IREB2: variants seen among roughly 807,000 people sequenced by gnomAD.
IREB2 encodes iron-responsive element-binding protein 2.
In IREB2, 39 loss-of-function variants were observed where a neutral mutation model predicts 118.8. The observed-to-expected ratio is 0.33, with a 90% CI of 0.25 to 0.43. The LOEUF is 0.43. IREB2 is among the 20% of genes least tolerant of loss of function. The pLI, the probability that IREB2 is intolerant of heterozygous loss-of-function variation, is 1.00. For synonymous variants in IREB2, 372 were observed against 392.2 expected, an observed-to-expected ratio of 0.95 and a Z score of 0.61; for missense variants, 900 against 1,147.3, an observed-to-expected ratio of 0.78 and a Z score of 3.11.
intron 2 of IREB2, among the ~76,000 whole-genome samples, chr15:78,458,970 T>C (rs1265861040): frequency 6.6e-6 from 1 of 151,988 alleles, no homozygotes; most frequent in Non-Finnish European, 1.5e-5. Context: ...GGCTAGTTTT[T>C]TGTATTTTTA....
chr15:78,447,633 A>AT (rs914947651), intron 2 of IREB2, among the ~76,000 whole-genome samples: 22 of 148,668 alleles, frequency 1.5e-4, no homozygotes, highest in Admixed American at 3.4e-4. Flanking sequence ...TCCCGCTCTG[A>AT]TTTTTTTTTT....
At chr15:78,468,656 C>G (rs951345202) in intron 5 of IREB2, among the ~76,000 whole-genome samples, 1 of 151,868 alleles carries the variant, frequency 6.6e-6, no homozygotes, top group Non-Finnish European at 1.5e-5. Context: ...TCCTAAGTAC[C>G]AAATAATACG....
chr15:78,487,557 G>A (rs1417640847), intron 13 of IREB2, among the ~76,000 whole-genome samples, 176 bp from the exon 14 acceptor site: 2 of 152,190 alleles, frequency 1.3e-5, no homozygotes, highest in African/African-American at 4.8e-5. Context: ...ATGCCTGAGA[G>A]TTAGACTTGA....
At chr15:78,463,541 AAACTT>A (rs1344109327) in intron 3 of IREB2, among the ~76,000 whole-genome samples, 1 of 151,846 alleles carries the variant, frequency 6.6e-6, no homozygotes, top group African/African-American at 2.4e-5. Flanking sequence ...GTTAGTTTAT[AAACTT>A]AAAAATTTTG....
chr15:78,487,680 TTCTC>T, intron 13 of IREB2, 49 bp from the exon 14 acceptor site: 1 of 959,006 alleles, frequency 1.0e-6, no homozygotes, highest in Non-Finnish European at 1.7e-6. Context: ...GACTTGTCCT[TTCTC>T]TATAAATGTT....
At chr15:78,440,148 CT>C (rs747459637) in intron 2 of IREB2, among the ~76,000 whole-genome samples, 9 of 149,866 alleles carry the variant, frequency 6.0e-5, no homozygotes, top group South Asian at 2.1e-4. Context: ...AGTTTTCAAA[CT>C]TTTTTTTTTC....
intron 8 of IREB2, chr15:78,474,253 C>T (rs1023788431): frequency 1.3e-5 from 2 of 152,170 alleles, no homozygotes; most frequent in African/African-American, 2.4e-5. Context: ...CCAATCTCAG[C>T]ATTTTTGGTT....
Position 78,439,740 on chromosome 15 carries a change from A to G in IREB2, c.20-55A>G, listed in dbSNP as rs1053124552. ...ATAAAGCTAGTTTCCAGGTATTTTC[A>G]GCTGAATAAAATATTTTGTTGCTGC... On this transcript the variant is annotated intron_variant, in intron 1 of 21. Transcript: ENST00000258886. The G allele has an allele frequency of 7.8e-5, 75 of 958,890 alleles. No individual in the cohort carries two copies. In the African/African-American group the frequency reaches 1.2e-3, roughly 15 times the overall value. The allele number at this position is 958,890 out of a possible 1,614,324, so 59.4% of individuals were successfully genotyped here.
At chr15:78,496,534 C>A (rs1357570956) in intron 20 of IREB2, among the ~76,000 whole-genome samples, 2 of 152,100 alleles carry the variant, frequency 1.3e-5, no homozygotes, top group Admixed American at 6.6e-5. Context: ...TCCCATAGTG[C>A]TGGCATTACA....
intron 2 of IREB2, among the ~76,000 whole-genome samples, chr15:78,449,497 GTAGGTGCTTAC>G (rs2050987847): frequency 6.6e-6 from 1 of 152,298 alleles, no homozygotes; most frequent in Middle Eastern, 3.4e-3. Context: ...ATATAGAGAG[GTAGGTGCTTAC>G]TAAGTTCCAG....
At chr15:78,442,401 T>A (rs1040095873) in intron 2 of IREB2, among the ~76,000 whole-genome samples, 1 of 152,220 alleles carries the variant, frequency 6.6e-6, no homozygotes, top group African/African-American at 2.4e-5. Context: ...CTCCTAGACA[T>A]ATGCTTACAA....
At chr15:78,450,956 G>A (rs994947161) in intron 2 of IREB2, among the ~76,000 whole-genome samples, 1 of 151,424 alleles carries the variant, frequency 6.6e-6, no homozygotes, top group African/African-American at 2.4e-5. Context: ...GACCAATAAT[G>A]TAATGAGCAG....
chr15:78,471,689 G>A, intron 6 of IREB2, 52 bp from the exon 7 acceptor site: 1 of 1,161,562 alleles, frequency 8.6e-7, no homozygotes, highest in Non-Finnish European at 1.2e-6. Context: ...TTGATTGTGA[G>A]CACAAATTTA....
At chr15:78,447,209 CTT>C (rs1390725066) in intron 2 of IREB2, among the ~76,000 whole-genome samples, 1 of 144,290 alleles carries the variant, frequency 6.9e-6, no homozygotes, top group African/African-American at 2.6e-5. Flanking sequence ...CAGGATCTCT[CTT>C]TGTTACTCAA....
intron 2 of IREB2, 109 bp downstream of exon 2, chr15:78,439,990 G>C (rs1595980557): frequency 2.8e-6 from 2 of 706,586 alleles, no homozygotes; most frequent in Non-Finnish European, 2.5e-6. Flanking sequence ...TATTGTAACA[G>C]GTACACCTAC....
chr15:78,483,330 A>C lies in IREB2; in HGVS notation c.1309A>C (p.Asn437His). 6.6e-7 allele frequency: 1 copy of C among 1,524,048 alleles called. No individual in the cohort carries two copies. The highest frequency in any genetic ancestry group is 1.1e-5 in the South Asian group (1 of 88,946). 94.4% of individuals were successfully genotyped at this position (1,524,048 alleles called of 1,614,324 possible). A position where few individuals can be genotyped will look rare whatever the true frequency, so the allele number is the denominator to read the frequency against. ...TCTCATTTCTTAGGTGATCCAGATT[A>C]ATCTGAATTCAATAGTTCCATCTGT... The part of the protein sequence containing the change: ...EPEYSQVIQI[N>H]LNSIVPSVSG... Residue 437 changes from asparagine to histidine, a missense_variant, in exon 11 of 22, where the codon AAT (asparagine) becomes CAT (histidine). Coordinates refer to ENST00000258886, the MANE Select transcript of IREB2 (RefSeq NM_004136.4).
intron 5 of IREB2, among the ~76,000 whole-genome samples, chr15:78,469,830 C>T (rs2051345664): frequency 6.6e-6 from 1 of 152,158 alleles, no homozygotes; most frequent in Non-Finnish European, 1.5e-5. Flanking sequence ...AGTCAACACC[C>T]AGTCACCAGC....
intron 2 of IREB2, among the ~76,000 whole-genome samples, chr15:78,449,779 G>C (rs895466801): frequency 6.6e-6 from 1 of 152,050 alleles, no homozygotes; most frequent in East Asian, 1.9e-4. Flanking sequence ...GATGCTTCCC[G>C]TATACAAATA....
chr15:78,457,711 G>A (rs2141467815), intron 2 of IREB2, among the ~76,000 whole-genome samples: 1 of 151,732 alleles, frequency 6.6e-6, no homozygotes, highest in South Asian at 2.1e-4. Context: ...GTAATACTTT[G>A]TTTTTCAAAA....
Sources: allele counts gnomAD v4.1 joint callset (sites outside exome capture counted in the v4.1 genomes callset), GRCh38; gene constraint gnomAD v4.1.1; transcripts MANE v1.5; gene names NCBI Gene and HGNC (gene_info 2026-07-23, HGNC 2026-07-21).